NPAS2: variants seen among roughly 807,000 people sequenced by gnomAD.
NPAS2 encodes the protein neuronal PAS domain-containing protein 2.
A neutral mutation model predicts 107.5 loss-of-function variants in NPAS2; 23 were observed. That is an observed-to-expected ratio of 0.21 (90% CI 0.15 to 0.30). The LOEUF is 0.30. Ranked by LOEUF, NPAS2 falls within the 10% of genes least tolerant of loss-of-function variation. NPAS2 has a pLI of 1.00. For missense variants in NPAS2, 756 were observed against 1,043.3 expected, an observed-to-expected ratio of 0.72 and a Z score of 3.79; for synonymous variants, 403 against 417.5, an observed-to-expected ratio of 0.97 and a Z score of 0.42.
intron 5 of NPAS2, among the ~76,000 whole-genome samples, chr2:100,945,435 T>C (rs943148393): frequency 1.3e-5 from 2 of 152,180 alleles, no homozygotes; most frequent in Non-Finnish European, 2.9e-5. Context: ...CTCCACTCCT[T>C]CCCCTGTCTC....
At chr2:100,960,698 G>A (rs1034843357) in intron 7 of NPAS2, among the ~76,000 whole-genome samples, 1 of 152,108 alleles carries the variant, frequency 6.6e-6, no homozygotes, top group Non-Finnish European at 1.5e-5. Flanking sequence ...GAGTGAACGG[G>A]CCACCAGCAG....
At chr2:100,865,923 G>A (rs1222110840) in intron 1 of NPAS2, among the ~76,000 whole-genome samples, 1 of 152,148 alleles carries the variant, frequency 6.6e-6, no homozygotes, top group African/African-American at 2.4e-5. Flanking sequence ...CTAGACCCTG[G>A]CCCTGATATC....
intron 1 of NPAS2, among the ~76,000 whole-genome samples, chr2:100,875,838 G>C (rs900015189): frequency 2.0e-5 from 3 of 152,138 alleles, no homozygotes; most frequent in African/African-American, 7.2e-5. Flanking sequence ...GTAACAAAAG[G>C]GGAGACGGAT....
chr2:100,819,285 T>C (rs931375054), upstream of NPAS2, among the ~76,000 whole-genome samples: 2 of 152,140 alleles, frequency 1.3e-5, no homozygotes, highest in Non-Finnish European at 2.9e-5. The surrounding 1 kb of genome is among the most constrained non-coding windows in gnomAD (Gnocchi z 5.8). Flanking sequence ...TGCCCGCTCC[T>C]GGCCGCAGCC....
intron 7 of NPAS2, among the ~76,000 whole-genome samples, chr2:100,959,417 C>G (rs1005411650): frequency 6.6e-6 from 1 of 152,180 alleles, no homozygotes; most frequent in Non-Finnish European, 1.5e-5. Flanking sequence ...GTAGGCAGTG[C>G]CCCTGCCAAG....
At chr2:100,847,677 C>CT (rs1348532639) in intron 1 of NPAS2, among the ~76,000 whole-genome samples, 4 of 152,166 alleles carry the variant, frequency 2.6e-5, no homozygotes, top group Non-Finnish European at 4.4e-5. Context: ...GCCATAAATA[C>CT]TTTTTTTATA....
intron 2 of NPAS2, among the ~76,000 whole-genome samples, chr2:100,912,140 G>A (rs1205012702): frequency 2.0e-5 from 3 of 152,268 alleles, no homozygotes; most frequent in Admixed American, 6.5e-5. Context: ...AACCTCAGTC[G>A]TAGGCACTGT....
intron 1 of NPAS2, among the ~76,000 whole-genome samples, chr2:100,862,690 G>A (rs920502039): frequency 2.0e-5 from 3 of 152,286 alleles, no homozygotes; most frequent in African/African-American, 4.8e-5. Context: ...GCACACTGCC[G>A]TTCCTTTTTC....
At chr2:100,819,413 A>G (rs1420551534), upstream of NPAS2, among the ~76,000 whole-genome samples, 1 of 152,120 alleles carries the variant, frequency 6.6e-6, no homozygotes, top group African/African-American at 2.4e-5. This position sits in a 1 kb window ranked among gnomAD's most constrained non-coding sequence, Gnocchi z 5.8. Flanking sequence ...ATTCCTCCCC[A>G]GCAGTCGCTG....
chr2:100,932,858 C>T (rs1424019650), intron 3 of NPAS2, 52 bp from the exon 4 acceptor site: 2 of 1,266,902 alleles, frequency 1.6e-6, no homozygotes, highest in African/African-American at 1.5e-5. Flanking sequence ...TTTGTTAATT[C>T]CAATTTCTAG....
chr2:100,852,374 G>A (rs1264729574), intron 1 of NPAS2, among the ~76,000 whole-genome samples: 2 of 152,138 alleles, frequency 1.3e-5, no homozygotes, highest in Admixed American at 6.6e-5. Flanking sequence ...TCCAGCCTGG[G>A]TGACAGAGCG....
chr2:100,878,102 G>A (rs375107838), intron 1 of NPAS2: 47 of 985,350 alleles, frequency 4.8e-5, no homozygotes, highest in African/African-American at 1.4e-4. Flanking sequence ...CTATGTCCAC[G>A]GAAGGTTGTT....
In NPAS2 at chr2:100,965,788, A is replaced by T; in HGVS notation, c.907+22A>T. 1 of 1,161,130 alleles carries T rather than the reference A, an allele frequency of 8.6e-7. No homozygotes were observed. The allele number at this position is 1,161,130 out of a possible 1,614,324, so 71.9% of individuals were successfully genotyped here. A position where few individuals can be genotyped will look rare whatever the true frequency, so the allele number is the denominator to read the frequency against. Reference sequence around the variant, plus strand: ...CACCGTGAGTACCACTGCCCAGCCCAGGCATGGGGGCCTTGCGTTCACTCC... The same window carrying T: ...CACCGTGAGTACCACTGCCCAGCCCTGGCATGGGGGCCTTGCGTTCACTCC... On this transcript the variant is annotated intron_variant, in intron 10 of 20. Transcript: ENST00000335681. This position sits in a 1 kb window ranked among gnomAD's most constrained non-coding sequence, Gnocchi z 4.3.
chr2:100,970,170 C>CTGT (rs1373197008), intron 11 of NPAS2, among the ~76,000 whole-genome samples: 1 of 152,206 alleles, frequency 6.6e-6, no homozygotes, highest in Non-Finnish European at 1.5e-5. Flanking sequence ...TGGCAGCCGC[C>CTGT]TGTTGCCACC....
chr2:100,963,544 A>G (rs1307654885), intron 7 of NPAS2, among the ~76,000 whole-genome samples: 1 of 152,074 alleles, frequency 6.6e-6, no homozygotes, highest in Non-Finnish European at 1.5e-5. Flanking sequence ...GATTACAGGC[A>G]CACACCACCA....
chr2:100,852,212 C>T (rs376437500), intron 1 of NPAS2, among the ~76,000 whole-genome samples: 94 of 152,028 alleles, frequency 6.2e-4, no homozygotes, highest in Admixed American at 9.8e-4. Flanking sequence ...CTGGCTAACA[C>T]GGTGAAACCC....
chr2:100,985,139 TTCCA>T (rs1467639378), intron 16 of NPAS2: 3 of 152,254 alleles, frequency 2.0e-5, no homozygotes, highest in Non-Finnish European at 4.4e-5. Flanking sequence ...CCATCCTTCC[TTCCA>T]TCCAGCCATC....
intron 12 of NPAS2, among the ~76,000 whole-genome samples, chr2:100,973,764 T>C (rs1676762789): frequency 6.6e-6 from 1 of 152,224 alleles, no homozygotes; most frequent in Admixed American, 6.5e-5. Flanking sequence ...CTTCTAACAC[T>C]AGCTAGGAAT....
chr2:100,994,382 C>T (rs1678322515), intron 20 of NPAS2: 2 of 152,274 alleles, frequency 1.3e-5, no homozygotes. Context: ...ATCTCCCTGA[C>T]CCCACACATA....
Sources: allele counts gnomAD v4.1 joint callset (sites outside exome capture counted in the v4.1 genomes callset), GRCh38; gene constraint gnomAD v4.1.1; non-coding constraint Gnocchi (gnomAD v3.1); transcripts MANE v1.5; gene names NCBI Gene and HGNC (gene_info 2026-07-23, HGNC 2026-07-21).